Variants in SLC30A8 observed in about 807,000 individuals in gnomAD.
SLC30A8 encodes the protein proton-coupled zinc antiporter SLC30A8.
Under a neutral mutation model 36.9 loss-of-function variants are expected in SLC30A8, and 27 were observed. The observed-to-expected ratio is 0.73, with a 90% CI of 0.54 to 1.01. The LOEUF (loss-of-function observed/expected upper bound fraction) is 1.01. Ranked by LOEUF, SLC30A8 falls within the 50% of genes least tolerant of loss-of-function variation. The pLI is 0.00. For missense variants in SLC30A8, 439 were observed against 452.0 expected (o/e 0.97, Z 0.26); for synonymous variants, 164 against 172.4 (o/e 0.95, Z 0.38).
At chr8:116,987,436 A>AATAATT (rs1331510715) in intron 1 of SLC30A8, among the ~76,000 whole-genome samples, 2 of 151,538 alleles carry the variant, frequency 1.3e-5, no homozygotes, top group African/African-American at 4.9e-5. Context: ...AAAGTATAAT[A>AATAATT]AAATAAAAAA....
chr8:117,107,226 CAAT>C (rs1361199766), intron 2 of SLC30A8, among the ~76,000 whole-genome samples: 1 of 152,016 alleles, frequency 6.6e-6, no homozygotes, highest in Non-Finnish European at 1.5e-5. Flanking sequence ...TGCACTATAC[CAAT>C]AACAGGATGT....
chr8:117,120,773 A>G (rs976020358), intron 2 of SLC30A8, among the ~76,000 whole-genome samples: 1 of 151,720 alleles, frequency 6.6e-6, no homozygotes, highest in African/African-American at 2.4e-5. Context: ...ATCAACAAAA[A>G]CCCAAAACCT....
At chr8:116,978,324 T>C (rs1303480991) in intron 1 of SLC30A8, among the ~76,000 whole-genome samples, 4 of 152,214 alleles carry the variant, frequency 2.6e-5, no homozygotes, top group African/African-American at 9.7e-5. Flanking sequence ...ATGTTACTGT[T>C]AAAAGACTTT....
At chr8:117,094,465 T>A (rs541204265) in intron 2 of SLC30A8, among the ~76,000 whole-genome samples, 27 of 152,314 alleles carry the variant, frequency 1.8e-4, no homozygotes, top group Non-Finnish European at 1.6e-4. Flanking sequence ...CGCTCCTCTC[T>A]GCAGGCAGTG....
intron 2 of SLC30A8, among the ~76,000 whole-genome samples, chr8:117,114,602 TTAAG>T (rs1764888143): frequency 1.3e-5 from 2 of 152,052 alleles, no homozygotes; most frequent in Non-Finnish European, 2.9e-5. Context: ...TAATTGGCTG[TTAAG>T]TAAGCCAAAG....
intron 2 of SLC30A8, among the ~76,000 whole-genome samples, chr8:117,082,348 C>A (rs1359632266): frequency 1.3e-5 from 2 of 151,864 alleles, no homozygotes; most frequent in African/African-American, 4.8e-5. Flanking sequence ...AAGAAAGAAC[C>A]AAATGATTAA....
chr8:116,963,048 G>A (rs1459936131), intron 1 of SLC30A8, among the ~76,000 whole-genome samples: 5 of 149,744 alleles, frequency 3.3e-5, no homozygotes, highest in Non-Finnish European at 7.5e-5. Context: ...ACGCAGCTCA[G>A]TTGGCCTGGG....
intron 2 of SLC30A8, among the ~76,000 whole-genome samples, chr8:117,089,107 T>C (rs1819003229): frequency 6.6e-6 from 1 of 152,348 alleles, no homozygotes; most frequent in Non-Finnish European, 1.5e-5. Flanking sequence ...TTCCATTTTA[T>C]TTCCTTTCAG....
intron 1 of SLC30A8, among the ~76,000 whole-genome samples, chr8:116,999,673 T>C (rs1354394990): frequency 6.6e-6 from 1 of 152,206 alleles, no homozygotes; most frequent in African/African-American, 2.4e-5. Context: ...TTTATTTCAT[T>C]GATAAATGAG....
intron 2 of SLC30A8, among the ~76,000 whole-genome samples, chr8:117,041,598 G>A (rs1346038946): frequency 6.6e-6 from 1 of 152,062 alleles, no homozygotes; most frequent in African/African-American, 2.4e-5. Context: ...GCTGAGGCAG[G>A]ACAATTGCTT....
chr8:117,157,813 G>GT lies in SLC30A8; in HGVS notation c.544dup (p.Ser182PhefsTer53). ...GATCCAGGCGACTGTGATGATCATC[G>GT]TTTCCAGCTGCGCAGTGGCGGCCAA... On this transcript the variant is annotated frameshift_variant, in exon 4 of 8. Transcript: ENST00000456015. LOFTEE classifies it high-confidence loss of function. 6.2e-7 allele frequency: 1 copy of GT among 1,614,090 alleles called. No individual in the cohort carries two copies. Among genetic ancestry groups the GT allele is most frequent in the Non-Finnish European group, 8.5e-7 (1 of 1,179,992 alleles).
chr8:117,128,083 G>A (rs1055071618), intron 2 of SLC30A8, among the ~76,000 whole-genome samples: 1 of 152,000 alleles, frequency 6.6e-6, no homozygotes, highest in Non-Finnish European at 1.5e-5. Flanking sequence ...AGAGAACGTG[G>A]CGATTGTTGG....
chr8:116,952,230 T>C (rs1391455841), intron 1 of SLC30A8, among the ~76,000 whole-genome samples: 1 of 152,126 alleles, frequency 6.6e-6, no homozygotes, highest in African/African-American at 2.4e-5. Context: ...TTGACAGAGG[T>C]GGACATATCA....
intron 1 of SLC30A8, among the ~76,000 whole-genome samples, chr8:116,998,306 T>A (rs1039477227): frequency 6.6e-6 from 1 of 152,192 alleles, no homozygotes; most frequent in Non-Finnish European, 1.5e-5. Flanking sequence ...CAAGTGGCAA[T>A]GATGGCCAGA....
chr8:117,074,248 C>T (rs573051278), intron 2 of SLC30A8, among the ~76,000 whole-genome samples: 6 of 152,052 alleles, frequency 3.9e-5, no homozygotes, highest in African/African-American at 7.2e-5. Context: ...ATTTGAAGGG[C>T]GCAGTATTAT....
At chr8:116,996,967 A>G (rs1442269759) in intron 1 of SLC30A8, among the ~76,000 whole-genome samples, 1 of 152,118 alleles carries the variant, frequency 6.6e-6, no homozygotes, top group Non-Finnish European at 1.5e-5. Flanking sequence ...TGCTTCAAGA[A>G]GGAGGCATTC....
chr8:117,147,921 C>T (rs1821973987), intron 2 of SLC30A8, among the ~76,000 whole-genome samples: 1 of 152,024 alleles, frequency 6.6e-6, no homozygotes, highest in African/African-American at 2.4e-5. Flanking sequence ...TCTGTTAATG[C>T]ATTTTCTCCT....
chr8:117,110,369 G>T (rs953989699), intron 2 of SLC30A8, among the ~76,000 whole-genome samples: 10 of 152,182 alleles, frequency 6.6e-5, no homozygotes, highest in Admixed American at 6.5e-4. Flanking sequence ...CCCTGTGGGT[G>T]TAAGTGCCAA....
rs562294875 is a variant in SLC30A8, at chr8:117,020,974, TA to T, written c.-265-18241del. Among the ~76,000 whole-genome samples the T allele has an allele frequency of 2.1e-4, 32 of 152,272 alleles. No individual in the cohort carries two copies. The South Asian group carries it at 6.6e-3, about 32-fold the overall frequency. On this transcript the variant is annotated intron_variant, in intron 1 of 10. Coordinates refer to the SLC30A8 transcript ENST00000427715. ...AGAAGATGGAGAAAAGGGAGAGAAG[TA>T]AAATTTTAGAAAGACTTTAAAAAGA...
Sources: gnomAD v4.1 joint callset for allele counts (sites outside exome capture counted in the v4.1 genomes callset) on GRCh38, gnomAD v4.1.1 for gene constraint, MANE v1.5 for transcripts, NCBI Gene and HGNC (gene_info 2026-07-23, HGNC 2026-07-21) for gene names.